Variants in KIAA1549L observed in about 807,000 individuals in gnomAD.
KIAA1549L encodes KIAA1549 like.
In KIAA1549L, 88 loss-of-function variants were observed where a neutral mutation model predicts 160.7. The observed-to-expected ratio is 0.55, with a 90% CI of 0.46 to 0.65. The LOEUF is 0.65. Ranked by LOEUF, KIAA1549L falls within the 30% of genes least tolerant of loss-of-function variation. The pLI is 0.00. For missense variants in KIAA1549L, 2,258 were observed against 2,437.5 expected, an observed-to-expected ratio of 0.93 and a Z score of 1.55; for synonymous variants, 950 against 976.7, an observed-to-expected ratio of 0.97 and a Z score of 0.51.
chr11:33,581,734 C>T (rs555353006), intron 10 of KIAA1549L, among the ~76,000 whole-genome samples: 22 of 152,258 alleles, frequency 1.4e-4, no homozygotes, highest in Middle Eastern at 3.4e-3. Context: ...TAGGTAATTA[C>T]GCCAATGAAC....
intron 1 of KIAA1549L, among the ~76,000 whole-genome samples, chr11:33,533,657 C>G (rs1853827819): frequency 6.6e-6 from 1 of 152,200 alleles, no homozygotes; most frequent in Non-Finnish European, 1.5e-5. Context: ...GGTTTTATTT[C>G]AGCTTGTCTG....
At chr11:33,578,304 G>A (rs906401601) in intron 10 of KIAA1549L, among the ~76,000 whole-genome samples, 2 of 152,074 alleles carry the variant, frequency 1.3e-5, no homozygotes, top group Non-Finnish European at 1.5e-5. Flanking sequence ...CAAGAGAGTC[G>A]AGATTCAAAC....
At chr11:33,636,876 C>T (rs1408001750) in intron 16 of KIAA1549L, among the ~76,000 whole-genome samples, 1 of 152,158 alleles carries the variant, frequency 6.6e-6, no homozygotes, top group African/African-American at 2.4e-5. Context: ...CTAGGGAAAA[C>T]TGGCAACAAA....
chr11:33,378,157 G>C (rs1018341860), intron 1 of KIAA1549L, among the ~76,000 whole-genome samples: 2 of 152,182 alleles, frequency 1.3e-5, no homozygotes, highest in Non-Finnish European at 2.9e-5. Flanking sequence ...AAATACCTTG[G>C]TATTCATTGG....
chr11:33,429,233 A>G (rs1040117161), intron 1 of KIAA1549L, among the ~76,000 whole-genome samples: 2 of 152,104 alleles, frequency 1.3e-5, no homozygotes, highest in Non-Finnish European at 2.9e-5. Flanking sequence ...CGGCCTCCCA[A>G]AGTGCTGGGA....
At chr11:33,562,919 G>C (rs191643737) in intron 8 of KIAA1549L, among the ~76,000 whole-genome samples, 1 of 151,842 alleles carries the variant, frequency 6.6e-6, no homozygotes, top group Admixed American at 6.6e-5. Context: ...GACCTCAGCC[G>C]ATCTGCCCGC....
chr11:33,505,230 G>A (rs1182186140), intron 1 of KIAA1549L, among the ~76,000 whole-genome samples: 2 of 152,278 alleles, frequency 1.3e-5, no homozygotes, highest in African/African-American at 4.8e-5. Flanking sequence ...AATTTCCAAA[G>A]AGCTAAACAA....
At chr11:33,538,682 CTGT>C (rs1324648374) in intron 1 of KIAA1549L, among the ~76,000 whole-genome samples, 1 of 152,132 alleles carries the variant, frequency 6.6e-6, no homozygotes, top group Non-Finnish European at 1.5e-5. Flanking sequence ...AATATTGACT[CTGT>C]TGTTAAGCTA....
chr11:33,452,043 T>G (rs759160425), intron 1 of KIAA1549L, among the ~76,000 whole-genome samples: 1 of 152,150 alleles, frequency 6.6e-6, no homozygotes, highest in African/African-American at 2.4e-5. Context: ...ATTTTCCCCA[T>G]TGTGCTATGC....
At chr11:33,506,271 G>A (rs1853085449) in intron 1 of KIAA1549L, among the ~76,000 whole-genome samples, 3 of 152,178 alleles carry the variant, frequency 2.0e-5, no homozygotes, top group South Asian at 2.1e-4. Context: ...CCAGTTTCCT[G>A]AGTATTGTCT....
At chr11:33,571,294 C>T (rs949323080) in intron 9 of KIAA1549L, among the ~76,000 whole-genome samples, 1 of 152,122 alleles carries the variant, frequency 6.6e-6, no homozygotes, top group Non-Finnish European at 1.5e-5. Flanking sequence ...CAGAGCAAGA[C>T]TGTCTCAAAA....
At chr11:33,413,194 G>A (rs997649732) in intron 1 of KIAA1549L, among the ~76,000 whole-genome samples, 2 of 152,006 alleles carry the variant, frequency 1.3e-5, no homozygotes, top group East Asian at 1.9e-4. Flanking sequence ...GAGAAGTTGG[G>A]CAGCACAGAA....
chr11:33,399,680 G>A (rs1389600479), intron 1 of KIAA1549L, among the ~76,000 whole-genome samples: 1 of 152,142 alleles, frequency 6.6e-6, no homozygotes, highest in African/African-American at 2.4e-5. Context: ...GTTTATTTTG[G>A]CTTTGCACGC....
At chr11:33,584,790 G>A (rs939295430) in intron 11 of KIAA1549L, among the ~76,000 whole-genome samples, 1 of 152,158 alleles carries the variant, frequency 6.6e-6, no homozygotes, top group African/African-American at 2.4e-5. Context: ...GAGTCTTAGA[G>A]CATTTTCGCC....
intron 9 of KIAA1549L, among the ~76,000 whole-genome samples, chr11:33,568,963 T>G (rs942702020): frequency 1.1e-4 from 16 of 152,358 alleles, no homozygotes; most frequent in African/African-American, 3.4e-4. Flanking sequence ...ATGTATGTTT[T>G]AGATCATTTT....
rs1852023882 is a variant in KIAA1549L at position 33,655,232 on chromosome 11, G to A, written c.5761-780G>A. 4.6e-5 allele frequency among the ~76,000 whole-genome samples: 7 copies of A among 151,992 alleles called. No homozygotes were observed. In the South Asian group the frequency reaches 1.5e-3, roughly 32 times the overall value. ...AGTTCTAGTCTTTTATCTTTGAATA[G>A]TGCTTTATAGATTGCAAAAGACATA... On this transcript the variant is annotated intron_variant, in intron 17 of 20. Transcript: ENST00000658780.
At chr11:33,572,139 C>T (rs559940250) in intron 9 of KIAA1549L, among the ~76,000 whole-genome samples, 8 of 152,012 alleles carry the variant, frequency 5.3e-5, no homozygotes, top group Non-Finnish European at 8.8e-5. Flanking sequence ...CAGGTTCAAG[C>T]GATTCTCCTG....
At chr11:33,463,236 G>A (rs1851979268) in intron 1 of KIAA1549L, among the ~76,000 whole-genome samples, 3 of 152,134 alleles carry the variant, frequency 2.0e-5, no homozygotes, top group African/African-American at 7.2e-5. Context: ...CACTTAGCAC[G>A]TGAGTGTCCT....
In KIAA1549L at chr11:33,542,372, T is replaced by A; in HGVS notation, c.809T>A (p.Val270Glu). Residue 270 changes from valine (V) to glutamate (E), a missense_variant, in exon 2 of 21, where the codon GTG (valine) becomes GAG (glutamate). By Grantham distance (121) the Val-to-Glu change is moderately radical (BLOSUM62 -2). Coordinates refer to ENST00000658780, the MANE Select transcript of KIAA1549L (RefSeq NM_012194.3). Reference protein sequence around the residue: ...ISEPAEQSPKVLLVPQTAPAD... With the variant: ...ISEPAEQSPKELLVPQTAPAD... ...GAGCCAGCAGAGCAATCCCCCAAAGTGCTGTTAGTTCCCCAAACAGCTCCA... is the reference window on the plus strand; with the variant it reads ...GAGCCAGCAGAGCAATCCCCCAAAGAGCTGTTAGTTCCCCAAACAGCTCCA... The A allele has an allele frequency of 9.6e-7, 1 of 1,039,420 alleles. No individual in the cohort carries two copies. The highest frequency in any genetic ancestry group is 1.6e-5 in the African/African-American group (1 of 62,518). The allele number at this position is 1,039,420 out of a possible 1,614,324, so 64.4% of individuals were successfully genotyped here. A position where few individuals can be genotyped will look rare whatever the true frequency, so the allele number is the denominator to read the frequency against.
Sources: gnomAD v4.1 joint callset for allele counts (sites outside exome capture counted in the v4.1 genomes callset) on GRCh38, gnomAD v4.1.1 for gene constraint, MANE v1.5 for transcripts, NCBI Gene and HGNC (gene_info 2026-07-23, HGNC 2026-07-21) for gene names.